The following MUC22 variants were observed in gnomAD, a reference collection of about 807,000 sequenced individuals.
MUC22 encodes mucin-22.
MUC22 carries 24 observed loss-of-function variants against 40.3 expected under a neutral mutation model. The observed-to-expected ratio is 0.60, with a 90% CI of 0.43 to 0.84. The LOEUF (loss-of-function observed/expected upper bound fraction) is 0.84, where lower values mean the gene tolerates loss of function less well. MUC22 is among the 40% of genes least tolerant of loss of function. The pLI is 0.00. For synonymous variants in MUC22, 765 were observed against 844.5 expected, an observed-to-expected ratio of 0.91 and a Z score of 1.63; for missense variants, 1,926 against 2,130.7, an observed-to-expected ratio of 0.90 and a Z score of 1.89.
chr6:31,018,309 A>G (rs1356888900), intron 1 of MUC22, among the ~76,000 whole-genome samples: 1 of 152,234 alleles, frequency 6.6e-6, no homozygotes, highest in Non-Finnish European at 1.5e-5. Context: ...TCCTAGCTAC[A>G]TTGTATTTCA....
Position 31,026,042 on chromosome 6 carries a change from A to G in MUC22, c.611A>G (p.Glu204Gly), listed in dbSNP as rs776467427. The change falls in exon 2 of 4, where the codon GAG becomes GGG. Residue 204 changes from glutamate to glycine, a missense_variant. Around this residue, in one of 3 missense-constraint regions of MUC22, gnomAD observed 1,281 missense variants for 1,337.8 expected, o/e 0.96. Transcript: ENST00000561890. ...ACCACCACCTCCACTGCAAGCTCTG[A>G]GGCCACTAAAGTCTCTACCACAGGC... 32 of 1,530,708 alleles carry G rather than the reference A, an allele frequency of 2.1e-5. No individual in the cohort carries two copies. In the Middle Eastern group the frequency reaches 5.0e-4, roughly 24 times the overall value. 94.8% of individuals were successfully genotyped at this position (1,530,708 alleles called of 1,614,324 possible). A position where few individuals can be genotyped will look rare whatever the true frequency, so the allele number is the denominator to read the frequency against.
Position 31,030,143 on chromosome 6 carries a change from C to G in MUC22, c.4669+43C>G, listed in dbSNP as rs942097236. 18 of 1,464,794 alleles carry G rather than the reference C, an allele frequency of 1.2e-5. No homozygotes were observed. The African/African-American group carries it at 2.3e-4, about 18-fold the overall frequency. 90.7% of individuals were successfully genotyped at this position (1,464,794 alleles called of 1,614,324 possible). A position where few individuals can be genotyped will look rare whatever the true frequency, so the allele number is the denominator to read the frequency against. ...TTCTTTGAGCCCACACATTTTAACT[C>G]CAGTGGCAACCACCAGCTGTTCACC... On this transcript the variant is annotated intron_variant, in intron 2 of 3. Transcript: ENST00000561890.
chr6:31,030,788 T>C (rs568428549), intron 2 of MUC22, among the ~76,000 whole-genome samples: 4 of 152,336 alleles, frequency 2.6e-5, no homozygotes, highest in Admixed American at 2.6e-4. Flanking sequence ...TATCAATGTA[T>C]TGACTCTAGA....
At chr6:31,022,224 C>T (rs1266172974) in intron 1 of MUC22, among the ~76,000 whole-genome samples, 2 of 152,118 alleles carry the variant, frequency 1.3e-5, no homozygotes, top group Admixed American at 6.5e-5. Flanking sequence ...TCAGTGAGAC[C>T]AAGAACCCAC....
chr6:31,010,551 C>T (rs56327229), exon 1 of MUC22: 6,839 of 607,656 alleles, frequency 0.011, 100 homozygotes, highest in Middle Eastern at 0.089. Context: ...GCCTACAAGG[C>T]TTACCCTGGC....
intron 1 of MUC22, among the ~76,000 whole-genome samples, chr6:31,021,302 A>G (rs1056661876): frequency 5.3e-5 from 8 of 151,994 alleles, no homozygotes; most frequent in African/African-American, 1.9e-4. Flanking sequence ...CTCTGTATCT[A>G]GCTGCTCTGG....
At chr6:31,014,924 C>CG in intron 1 of MUC22, among the ~76,000 whole-genome samples, 1 of 152,050 alleles carries the variant, frequency 6.6e-6, no homozygotes. Flanking sequence ...CACTGCCATG[C>CG]GGGACCACCT....
In MUC22 at chr6:31,029,293, G is replaced by C. The variant is rs780081577; in HGVS notation, c.3862G>C (p.Val1288Leu). 17 of 1,528,516 alleles carry C rather than the reference G, an allele frequency of 1.1e-5. No individual in the cohort carries two copies. The South Asian group carries it at 2.0e-4, about 18-fold the overall frequency. The allele number at this position is 1,528,516 out of a possible 1,614,324, so 94.7% of individuals were successfully genotyped here. Residue 1288 changes from valine to leucine, a missense_variant, in exon 2 of 4, where the codon GTC becomes CTC. Physicochemically the swap from Val to Leu is conservative, Grantham distance 32. Transcript: ENST00000561890. ...TACTGAAGGTTCAGAGACCACTACA[G>C]TCACTACTGCAGGTTCTGAGACCAC...
exon 2 of MUC22, chr6:31,028,003 G>A: frequency 6.5e-7 from 1 of 1,532,592 alleles, no homozygotes; most frequent in African/African-American, 1.4e-5. Flanking sequence ...GAACACCACA[G>A]CATCTACTGC....
rs895962787 is a variant in MUC22, at chr6:31,030,108, C to T, written c.4669+8C>T. 8.0e-5 allele frequency: 120 copies of T among 1,505,470 alleles called. 3 individuals carry two copies. In the East Asian group the frequency reaches 2.9e-3, roughly 36 times the overall value. The allele number at this position is 1,505,470 out of a possible 1,614,324, so 93.3% of individuals were successfully genotyped here. On this transcript the variant is annotated splice_region_variant and intron_variant, in intron 2 of 3. Transcript: ENST00000561890. Reference sequence around the variant, plus strand: ...CCAACACACCTATGTCAGGTACTAACCCCCATGTCTTCTTTGAGCCCACAC... The same window carrying T: ...CCAACACACCTATGTCAGGTACTAATCCCCATGTCTTCTTTGAGCCCACAC...
chr6:31,020,852 G>A lies in MUC22; in HGVS notation c.71-4650G>A, dbSNP rs186648873. On this transcript the variant is annotated intron_variant, in intron 1 of 3. Transcript: ENST00000561890. ...CCCTGCAGGCCCCGGGCAGTGAGGG[G>A]CTTAGCACCCGGGCCAGTGGCTGCG... is the stretch of plus-strand genomic sequence containing the variant. 3.0e-3 allele frequency among the ~76,000 whole-genome samples: 450 copies of A among 152,354 alleles called. 10 individuals are homozygous for A. The South Asian group carries it at 0.043, about 15-fold the overall frequency.
exon 2 of MUC22, chr6:31,027,872 A>G: frequency 6.5e-7 from 1 of 1,534,798 alleles, no homozygotes; most frequent in South Asian, 1.2e-5. Flanking sequence ...GAAGGCTCTG[A>G]GATGACTACA....
chr6:31,022,444 G>A (rs1406862071), intron 1 of MUC22, among the ~76,000 whole-genome samples: 4 of 151,140 alleles, frequency 2.6e-5, no homozygotes, highest in East Asian at 3.9e-4. Flanking sequence ...GGCGTGAATC[G>A]ACAGGCAAGA....
Position 31,032,401 on chromosome 6 carries a change from C to T in MUC22, c.4875C>T (p.Thr1625=). The change falls in exon 3 of 4, where the codon ACC becomes ACT. Residue 1625 remains threonine (T), a synonymous_variant. Transcript: ENST00000561890. The surrounding 1 kb of genome is among the most constrained non-coding windows in gnomAD (Gnocchi z 4.1). The stretch of plus-strand genomic sequence containing the variant: ...CCACAGGATCCACCCGTGAGCCAAC[C>T]AGCAGCACCTTCCAGGAAACAGGCC... The T allele has an allele frequency of 6.5e-7, 1 of 1,535,748 alleles. No individual in the cohort carries two copies. The highest frequency in any genetic ancestry group is 8.7e-7 in the Non-Finnish European group (1 of 1,146,914).
exon 2 of MUC22, chr6:31,028,239 A>G: frequency 6.5e-7 from 1 of 1,530,742 alleles, no homozygotes. Context: ...CTGAGACCAC[A>G]GTCTCTACTG....
chr6:31,026,267 C>CAGCTTCCACTGA (rs1196749761), exon 2 of MUC22: 1 of 1,338,182 alleles, frequency 7.5e-7, no homozygotes. Context: ...GAGACCACTA[C>CAGCTTCCACTGA]AATCCTGATT....
exon 2 of MUC22, chr6:31,025,761 C>T (rs1765237624): frequency 7.2e-6 from 11 of 1,531,924 alleles, no homozygotes; most frequent in Non-Finnish European, 9.6e-6. Flanking sequence ...CCACTAGGAC[C>T]TTCACCACAG....
chr6:31,029,648 C>T (rs1284279341), exon 2 of MUC22: 11 of 1,535,524 alleles, frequency 7.2e-6, no homozygotes, highest in Non-Finnish European at 9.6e-6. Context: ...TCTGAGACCA[C>T]CACAGTCTCT....
At chr6:31,016,874 C>T (rs1372463194) in intron 1 of MUC22, among the ~76,000 whole-genome samples, 1 of 152,132 alleles carries the variant, frequency 6.6e-6, no homozygotes, top group Non-Finnish European at 1.5e-5. Flanking sequence ...CCTCGGGGGG[C>T]CCCACACTCT....
Sources: allele counts gnomAD v4.1 joint callset (sites outside exome capture counted in the v4.1 genomes callset), GRCh38; gene constraint gnomAD v4.1.1; regional missense constraint gnomAD v4.1.1; non-coding constraint Gnocchi (gnomAD v3.1); transcripts MANE v1.5; gene names NCBI Gene and HGNC (gene_info 2026-07-23, HGNC 2026-07-21).